PARD3B: variants seen among roughly 807,000 people sequenced by gnomAD.
PARD3B encodes partitioning defective 3 homolog B.
In PARD3B, 103 loss-of-function variants were observed where a neutral mutation model predicts 130.2. That is an observed-to-expected ratio of 0.79 (90% CI 0.67 to 0.93). The LOEUF (loss-of-function observed/expected upper bound fraction) is 0.93. PARD3B is among the 40% of genes least tolerant of loss of function. The pLI is 0.00. For synonymous variants in PARD3B, 583 were observed against 553.2 expected, an observed-to-expected ratio of 1.05 and a Z score of -0.76; for missense variants, 1,609 against 1,499.2, an observed-to-expected ratio of 1.07 and a Z score of -1.21.
At chr2:204,805,129 A>T (rs1489610715) in intron 2 of PARD3B, among the ~76,000 whole-genome samples, 4 of 152,244 alleles carry the variant, frequency 2.6e-5, no homozygotes, top group South Asian at 2.1e-4. Flanking sequence ...ATTACAAAAG[A>T]CCAAGGTAAC....
Position 205,279,891 on chromosome 2 carries a change from C to T in PARD3B, c.2186-20639C>T, listed in dbSNP as rs150093087. On this transcript the variant is annotated intron_variant, in intron 16 of 22. Coordinates refer to ENST00000406610, the MANE Select transcript of PARD3B (RefSeq NM_001302769.2). ...GCTGGGTTTCTGAAATCCAAGATTA[C>T]TCCCAGCAGGGAGCCTAAATACAGC... 2.4e-3 allele frequency among the ~76,000 whole-genome samples: 365 copies of T among 152,268 alleles called. 1 individual carries two copies. Among genetic ancestry groups the T allele is most frequent in the African/African-American group, 8.0e-3 (332 of 41,562 alleles).
intron 10 of PARD3B, among the ~76,000 whole-genome samples, chr2:205,134,359 C>A (rs376281695): frequency 9.0e-4 from 124 of 137,042 alleles, no homozygotes; most frequent in Admixed American, 1.0e-3. Context: ...CCCATCTCTA[C>A]AAAAAAAAAA....
intron 2 of PARD3B, among the ~76,000 whole-genome samples, chr2:204,946,278 A>C (rs756730940): frequency 1.3e-5 from 2 of 152,232 alleles, no homozygotes; most frequent in Non-Finnish European, 2.9e-5. Flanking sequence ...GGCTGTAGGA[A>C]TTGAAGTACT....
chr2:205,246,470 T>C (rs2039577789), intron 16 of PARD3B, among the ~76,000 whole-genome samples: 1 of 152,212 alleles, frequency 6.6e-6, no homozygotes, highest in South Asian at 2.1e-4. Flanking sequence ...TCCATCATCA[T>C]TTATTCACAT....
intron 2 of PARD3B, among the ~76,000 whole-genome samples, chr2:204,694,994 T>C (rs2037542197): frequency 6.6e-6 from 1 of 152,046 alleles, no homozygotes; most frequent in Admixed American, 6.6e-5. Flanking sequence ...GAGTAAACCA[T>C]AAGAAAATGT....
At chr2:204,592,107 A>C (rs1253317426) in intron 1 of PARD3B, among the ~76,000 whole-genome samples, 2 of 152,268 alleles carry the variant, frequency 1.3e-5, no homozygotes, top group African/African-American at 4.8e-5. Context: ...GCAAGGGGAA[A>C]ACTGGTGACC....
chr2:204,943,139 A>G lies in PARD3B; in HGVS notation c.223-22013A>G, dbSNP rs563603906. 3.3e-5 allele frequency among the ~76,000 whole-genome samples: 5 copies of G among 152,048 alleles called. No homozygotes were observed. The South Asian group carries it at 1.0e-3, about 32-fold the overall frequency. On this transcript the variant is annotated intron_variant, in intron 2 of 22. Transcript: ENST00000406610. This position sits in a 1 kb window ranked among gnomAD's most constrained non-coding sequence, Gnocchi z 4.2. ...CTGACTTAAGAAAGAAGTTTTTCAC[A>G]TTCTTAATGTGTGTATGTGTGTGTG...
intron 13 of PARD3B, among the ~76,000 whole-genome samples, chr2:205,180,990 A>G (rs941538378): frequency 6.6e-6 from 1 of 152,152 alleles, no homozygotes; most frequent in Non-Finnish European, 1.5e-5. Context: ...GAATAGCCTC[A>G]TGCAGTTTGC....
chr2:204,956,848 G>A (rs1373793021), intron 2 of PARD3B, among the ~76,000 whole-genome samples: 1 of 152,128 alleles, frequency 6.6e-6, no homozygotes, highest in Non-Finnish European at 1.5e-5. Flanking sequence ...GAAAATTTGT[G>A]TTATTCTGTG....
intron 18 of PARD3B, among the ~76,000 whole-genome samples, chr2:205,304,287 TG>T (rs1048074896): frequency 2.6e-5 from 4 of 152,310 alleles, no homozygotes; most frequent in African/African-American, 9.6e-5. Context: ...TGCTATCACC[TG>T]GGGTGAGGTT....
intron 18 of PARD3B, among the ~76,000 whole-genome samples, chr2:205,361,320 T>C (rs1300225824): frequency 6.6e-6 from 1 of 152,184 alleles, no homozygotes; most frequent in African/African-American, 2.4e-5. Context: ...TCTAATGTCA[T>C]TATGCCATAC....
At position 205,550,953 on chromosome 2, in the gene PARD3B, GTGTATATATATA is replaced by G. The variant is rs2052606173; in HGVS notation, c.3181-2369_3181-2358del. Reference sequence around the variant, plus strand: ...TGTGTGTGTGTGTGTATATATATATGTGTATATATATATATATATATATACACACACACACAC... The same window carrying G: ...TGTGTGTGTGTGTGTATATATATATGTATATATATATACACACACACACAC... On this transcript the variant is annotated intron_variant, in intron 21 of 22. Transcript: ENST00000406610. This position sits in a 1 kb window ranked among gnomAD's most constrained non-coding sequence, Gnocchi z 4.5. Among the ~76,000 whole-genome samples the G allele has an allele frequency of 1.2e-4, 6 of 49,876 alleles. No individual in the cohort carries two copies. Among genetic ancestry groups the G allele is most frequent in the African/African-American group, 4.8e-4 (6 of 12,488 alleles). The allele number at this position is 49,876 out of a possible 152,430, so 32.7% of individuals were successfully genotyped here. A position where few individuals can be genotyped will look rare whatever the true frequency, so the allele number is the denominator to read the frequency against.
chr2:204,635,848 C>T (rs1386018487), intron 1 of PARD3B, among the ~76,000 whole-genome samples: 1 of 152,000 alleles, frequency 6.6e-6, no homozygotes, highest in East Asian at 1.9e-4. Context: ...AAATCATTTC[C>T]CCATCTTATT....
At chr2:204,869,023 C>T (rs1298554319) in intron 2 of PARD3B, among the ~76,000 whole-genome samples, 24 of 152,182 alleles carry the variant, frequency 1.6e-4, no homozygotes, top group Admixed American at 1.6e-3. Context: ...TTCCCTGTAT[C>T]TGACCTGTGT....
chr2:205,157,744 G>C (rs1047656006), intron 10 of PARD3B, among the ~76,000 whole-genome samples: 2 of 152,116 alleles, frequency 1.3e-5, no homozygotes, highest in African/African-American at 4.8e-5. Context: ...TCATTTCCAG[G>C]AGTATCTCAT....
chr2:204,598,048 G>A (rs1213235451), intron 1 of PARD3B, among the ~76,000 whole-genome samples: 1 of 152,068 alleles, frequency 6.6e-6, no homozygotes, highest in Admixed American at 6.6e-5. Context: ...TTCTAGAGGG[G>A]AATTTGATAT....
At chr2:205,261,823 T>C (rs1005879964) in intron 16 of PARD3B, among the ~76,000 whole-genome samples, 3 of 152,150 alleles carry the variant, frequency 2.0e-5, no homozygotes, top group African/African-American at 7.2e-5. Context: ...ATCTGGCTAT[T>C]TGTAGTCCTT....
chr2:204,738,095 T>TC (rs1278090926), intron 2 of PARD3B, among the ~76,000 whole-genome samples: 1 of 152,200 alleles, frequency 6.6e-6, no homozygotes, highest in African/African-American at 2.4e-5. Context: ...GATTTTTTTT[T>TC]CTAATTCTGT....
chr2:205,054,928 A>G (rs1447383345), intron 4 of PARD3B, among the ~76,000 whole-genome samples: 1 of 152,142 alleles, frequency 6.6e-6, no homozygotes, highest in Non-Finnish European at 1.5e-5. Flanking sequence ...TTGGTACTCT[A>G]CTTAGCCTTC....
Sources: allele counts gnomAD v4.1 joint callset (sites outside exome capture counted in the v4.1 genomes callset), GRCh38; gene constraint gnomAD v4.1.1; non-coding constraint Gnocchi (gnomAD v3.1); transcripts MANE v1.5; gene names NCBI Gene and HGNC (gene_info 2026-07-23, HGNC 2026-07-21).